The following NTRK2 variants were observed in gnomAD, a reference collection of about 807,000 sequenced individuals.
The protein encoded by NTRK2 is BDNF/NT-3 growth factors receptor.
NTRK2 carries 13 observed loss-of-function variants against 94.5 expected under a neutral mutation model. That is an observed-to-expected ratio of 0.14 (90% CI 0.09 to 0.22). The LOEUF (loss-of-function observed/expected upper bound fraction) is 0.22, where lower values mean the gene tolerates loss of function less well. Ranked by LOEUF, NTRK2 falls within the 10% of genes least tolerant of loss-of-function variation. NTRK2 has a pLI of 1.00. For synonymous variants in NTRK2, 372 were observed against 407.4 expected (o/e 0.91, Z 1.05); for missense variants, 639 against 1,071.2 (o/e 0.60, Z 5.63).
At chr9:84,878,902 C>T (rs145218094) in intron 14 of NTRK2, among the ~76,000 whole-genome samples, 18 of 152,220 alleles carry the variant, frequency 1.2e-4, no homozygotes, top group African/African-American at 3.9e-4. Flanking sequence ...TGTCAGTCTT[C>T]GGATACTTCC....
chr9:84,990,775 G>C (rs939979050), intron 17 of NTRK2, among the ~76,000 whole-genome samples: 1 of 152,182 alleles, frequency 6.6e-6, no homozygotes, highest in Non-Finnish European at 1.5e-5. Flanking sequence ...AAGAAGCACT[G>C]CCCTGCTTTA....
intron 14 of NTRK2, among the ~76,000 whole-genome samples, chr9:84,871,301 A>G (rs563961328): frequency 6.6e-6 from 1 of 152,286 alleles, no homozygotes; most frequent in African/African-American, 2.4e-5. Context: ...GTATTGACAG[A>G]TACTATAATT....
chr9:84,704,349 C>A (rs2060913711), intron 4 of NTRK2, among the ~76,000 whole-genome samples: 1 of 151,256 alleles, frequency 6.6e-6, no homozygotes, highest in Admixed American at 6.6e-5. Flanking sequence ...CTGCCTCAGC[C>A]TCTCCAGTAG....
At chr9:84,901,313 C>T (rs1039181570) in intron 14 of NTRK2, among the ~76,000 whole-genome samples, 6 of 151,888 alleles carry the variant, frequency 4.0e-5, no homozygotes, top group African/African-American at 1.5e-4. Flanking sequence ...ACCTCTGCCT[C>T]CTGGCTTCAA....
chr9:84,868,796 C>T (rs891647321), intron 14 of NTRK2, among the ~76,000 whole-genome samples: 10 of 152,118 alleles, frequency 6.6e-5, no homozygotes, highest in African/African-American at 2.4e-4. Context: ...AAGCAGGATA[C>T]TGTGATGGGA....
chr9:84,880,655 C>T (rs564914811), intron 14 of NTRK2, among the ~76,000 whole-genome samples: 5 of 152,324 alleles, frequency 3.3e-5, no homozygotes, highest in Non-Finnish European at 5.9e-5. Context: ...TATCAAGGAG[C>T]TGATATTCTT....
intron 12 of NTRK2, among the ~76,000 whole-genome samples, chr9:84,859,181 T>C (rs2075213190): frequency 6.6e-6 from 1 of 152,174 alleles, no homozygotes; most frequent in African/African-American, 2.4e-5. Context: ...TGTGAATGGT[T>C]TCATGGGGCA....
chr9:84,936,149 T>C (rs1206989325), intron 15 of NTRK2, among the ~76,000 whole-genome samples: 1 of 152,118 alleles, frequency 6.6e-6, no homozygotes, highest in Admixed American at 6.5e-5. Context: ...AGTGTAGAAA[T>C]AGCTAAGAAA....
intron 14 of NTRK2, among the ~76,000 whole-genome samples, chr9:84,923,421 G>A (rs920776): frequency 0.18 from 27,408 of 152,012 alleles, 2,740 homozygotes; most frequent in African/African-American, 0.25. Context: ...ATTAGAGTAT[G>A]TGCACAGAGA....
At chr9:84,905,525 T>C (rs1015391045) in intron 14 of NTRK2, among the ~76,000 whole-genome samples, 3 of 152,184 alleles carry the variant, frequency 2.0e-5, no homozygotes, top group Admixed American at 2.0e-4. Context: ...AAACAATCAA[T>C]ATTTTTTTAG....
intron 17 of NTRK2, among the ~76,000 whole-genome samples, chr9:84,956,410 G>A (rs988274040): frequency 6.6e-6 from 1 of 152,160 alleles, no homozygotes; most frequent in Non-Finnish European, 1.5e-5. Context: ...TTTGGAACTC[G>A]GACATGAGAG....
intron 17 of NTRK2, among the ~76,000 whole-genome samples, chr9:84,970,479 C>T (rs540229930): frequency 5.7e-4 from 87 of 152,178 alleles, no homozygotes; most frequent in Non-Finnish European, 9.3e-4. Flanking sequence ...TAAATAGTGC[C>T]TACCTCATAG....
intron 2 of NTRK2, among the ~76,000 whole-genome samples, chr9:84,683,339 C>T (rs2059507255): frequency 6.6e-6 from 1 of 152,134 alleles, no homozygotes; most frequent in African/African-American, 2.4e-5. Flanking sequence ...TCTCCCTCCC[C>T]TTGCCCCCCA....
chr9:84,881,134 T>C (rs1417002573), intron 14 of NTRK2, among the ~76,000 whole-genome samples: 1 of 152,200 alleles, frequency 6.6e-6, no homozygotes, highest in Non-Finnish European at 1.5e-5. Flanking sequence ...TGATGAGTCC[T>C]TTGCTTTCCC....
intron 17 of NTRK2, among the ~76,000 whole-genome samples, chr9:85,008,173 G>A (rs1831172962): frequency 6.6e-6 from 1 of 151,644 alleles, no homozygotes; most frequent in South Asian, 2.1e-4. Context: ...CTAGATTAAG[G>A]AGTGAACCAA....
intron 9 of NTRK2, among the ~76,000 whole-genome samples, chr9:84,737,235 C>T (rs1471712536): frequency 2.0e-5 from 3 of 152,126 alleles, no homozygotes; most frequent in Admixed American, 6.5e-5. Context: ...GAAAATGAAC[C>T]CTACTGTCAG....
chr9:84,876,447 G>A (rs944539808), intron 14 of NTRK2: 4 of 1,055,070 alleles, frequency 3.8e-6, no homozygotes, highest in Non-Finnish European at 4.6e-6. Flanking sequence ...CACCCAAAGA[G>A]TTTACTTTTG....
intron 12 of NTRK2, among the ~76,000 whole-genome samples, chr9:84,836,860 C>A (rs1055152489): frequency 1.3e-5 from 2 of 149,764 alleles, no homozygotes; most frequent in African/African-American, 4.9e-5. Flanking sequence ...TCCTGCCAAG[C>A]GAGTGTAACT....
At chr9:85,002,402 C>A (rs1830431313) in intron 17 of NTRK2, among the ~76,000 whole-genome samples, 1 of 152,164 alleles carries the variant, frequency 6.6e-6, no homozygotes, top group Admixed American at 6.5e-5. Context: ...AGAAGCTTCC[C>A]AGGTGCTGTG....
Sources: gnomAD v4.1 joint callset for allele counts (sites outside exome capture counted in the v4.1 genomes callset) on GRCh38, gnomAD v4.1.1 for gene constraint, MANE v1.5 for transcripts, NCBI Gene and HGNC (gene_info 2026-07-23, HGNC 2026-07-21) for gene names.